Variants in CNTNAP2 observed in about 807,000 individuals in gnomAD.
The protein encoded by CNTNAP2 is contactin associated protein 2.
A neutral mutation model predicts 155.2 loss-of-function variants in CNTNAP2; 98 were observed. That is an observed-to-expected ratio of 0.63 (90% CI 0.54 to 0.75). CNTNAP2 has a LOEUF of 0.75. Among genes scored for constraint, CNTNAP2 ranks in the 30% least tolerant of loss-of-function variants. The pLI is 0.00. For synonymous variants in CNTNAP2, 651 were observed against 631.2 expected, an observed-to-expected ratio of 1.03 and a Z score of -0.47; for missense variants, 1,727 against 1,688.1, an observed-to-expected ratio of 1.02 and a Z score of -0.40.
At chr7:146,998,380 T>A (rs1798352319) in intron 3 of CNTNAP2, among the ~76,000 whole-genome samples, 1 of 152,050 alleles carries the variant, frequency 6.6e-6, no homozygotes. Context: ...TATGTCACTG[T>A]GGTCTGAAAA....
intron 13 of CNTNAP2, among the ~76,000 whole-genome samples, chr7:147,841,573 A>G (rs1250856016): frequency 2.0e-5 from 3 of 152,200 alleles, no homozygotes; most frequent in Admixed American, 6.5e-5. Flanking sequence ...TACGCTACCT[A>G]TTTCACAAAG....
chr7:147,672,553 A>G (rs1178626683), intron 13 of CNTNAP2: 3 of 152,162 alleles, frequency 2.0e-5, no homozygotes, highest in Admixed American at 2.0e-4. Context: ...AACCCTTCAG[A>G]GAGACTTAAA....
At chr7:146,163,533 A>G (rs868267920) in intron 1 of CNTNAP2, among the ~76,000 whole-genome samples, 2 of 143,268 alleles carry the variant, frequency 1.4e-5, no homozygotes, top group East Asian at 2.0e-4. Flanking sequence ...ATATCTATAT[A>G]TATCTATATC....
At chr7:147,427,603 CACA>C (rs1184579477) in intron 10 of CNTNAP2, among the ~76,000 whole-genome samples, 1 of 152,040 alleles carries the variant, frequency 6.6e-6, no homozygotes, top group East Asian at 1.9e-4. Context: ...CAATAGGGAA[CACA>C]ACAAGGAGTA....
In CNTNAP2 at chr7:146,756,650, G is replaced by C. The variant is rs535723286; in HGVS notation, c.98-17621G>C. Among the ~76,000 whole-genome samples the C allele has an allele frequency of 1.3e-3, 204 of 152,072 alleles. 1 individual carries two copies. The highest frequency in any genetic ancestry group is 2.3e-3 in the Non-Finnish European group (154 of 67,902). On this transcript the variant is annotated intron_variant, in intron 1 of 23. Transcript: ENST00000361727. ...TTATTGTTTCACCAAATCGAAAACT[G>C]AGGTTCCAAGATGTTAATAAATGTA... is the stretch of plus-strand genomic sequence containing the variant.
At chr7:147,160,784 T>C (rs765826294) in intron 8 of CNTNAP2, among the ~76,000 whole-genome samples, 3 of 152,112 alleles carry the variant, frequency 2.0e-5, no homozygotes, top group Admixed American at 6.6e-5. Context: ...GAATTAAAGA[T>C]GAAAAGTAAT....
At chr7:146,840,002 G>T (rs993869815) in intron 3 of CNTNAP2, 98 bp downstream of exon 3, 1 of 1,367,224 alleles carries the variant, frequency 7.3e-7, no homozygotes, top group Non-Finnish European at 1.0e-6. Flanking sequence ...CAATATTTAT[G>T]TATTCAAATC....
At chr7:148,194,685 G>A (rs1795248554) in intron 18 of CNTNAP2, among the ~76,000 whole-genome samples, 1 of 152,114 alleles carries the variant, frequency 6.6e-6, no homozygotes. Context: ...AAGACGAGAG[G>A]CCTAAGAACT....
chr7:147,978,237 C>G lies in CNTNAP2; in HGVS notation c.2383+248C>G, dbSNP rs1801465153. On this transcript the variant is annotated intron_variant, in intron 15 of 23. Transcript: ENST00000361727. ...TATTCATATGTAACAAGTTTGACTA[C>G]CTAAGTTTATGATGATATTAATAGC... 1.6e-5 allele frequency: 8 copies of G among 513,514 alleles called. No homozygotes were observed. The South Asian group carries it at 1.6e-4, about 10-fold the overall frequency. 31.8% of individuals were successfully genotyped at this position (513,514 alleles called of 1,614,324 possible). A position where few individuals can be genotyped will look rare whatever the true frequency, so the allele number is the denominator to read the frequency against.
intron 3 of CNTNAP2, among the ~76,000 whole-genome samples, chr7:146,950,371 A>G (rs189277419): frequency 6.6e-6 from 1 of 152,168 alleles, no homozygotes; most frequent in East Asian, 1.9e-4. Flanking sequence ...AGGTATACAC[A>G]TGCCACAGTG....
intron 2 of CNTNAP2, among the ~76,000 whole-genome samples, chr7:146,779,734 C>A (rs1166234495): frequency 6.6e-6 from 1 of 152,172 alleles, no homozygotes; most frequent in Non-Finnish European, 1.5e-5. Context: ...TAATTTCTCC[C>A]ATTTTAAGAA....
chr7:148,379,784 A>G (rs1730406), intron 21 of CNTNAP2, among the ~76,000 whole-genome samples: 108,499 of 151,798 alleles, frequency 0.71, 39,913 homozygotes, highest in Admixed American at 0.81. Flanking sequence ...GAGCTCAAGC[A>G]TGTACACGAG....
At chr7:146,741,117 G>A (rs1284605011) in intron 1 of CNTNAP2, among the ~76,000 whole-genome samples, 2 of 152,108 alleles carry the variant, frequency 1.3e-5, no homozygotes, top group Non-Finnish European at 2.9e-5. Flanking sequence ...TCCATACTGT[G>A]CTGCCTGGGG....
At chr7:148,250,562 C>T (rs1230524219) in intron 20 of CNTNAP2, among the ~76,000 whole-genome samples, 2 of 152,206 alleles carry the variant, frequency 1.3e-5, no homozygotes, top group African/African-American at 4.8e-5. Context: ...CCCACCCAGC[C>T]AGTGCCAGGC....
chr7:146,883,044 T>C (rs1354704628), intron 3 of CNTNAP2, among the ~76,000 whole-genome samples: 1 of 152,172 alleles, frequency 6.6e-6, no homozygotes, highest in Non-Finnish European at 1.5e-5. Flanking sequence ...AAATGTCACT[T>C]TTTGCAGAAT....
At chr7:147,074,940 T>C (rs948862308) in intron 4 of CNTNAP2, among the ~76,000 whole-genome samples, 5 of 152,142 alleles carry the variant, frequency 3.3e-5, no homozygotes, top group Non-Finnish European at 4.4e-5. Flanking sequence ...AATACATTTA[T>C]AACCAAGCTC....
chr7:147,496,594 G>A (rs561893317), intron 11 of CNTNAP2: 1 of 152,152 alleles, frequency 6.6e-6, no homozygotes, highest in Admixed American at 6.6e-5. Context: ...CCTAAATCTG[G>A]TATAATGAGA....
chr7:148,056,752 C>T (rs1803019671), intron 15 of CNTNAP2: 1 of 152,202 alleles, frequency 6.6e-6, no homozygotes, highest in African/African-American at 2.4e-5. Context: ...ACTACTTCGT[C>T]TGTTGCCCAC....
At chr7:147,801,136 A>T (rs1454121627) in intron 13 of CNTNAP2, among the ~76,000 whole-genome samples, 59 of 151,748 alleles carry the variant, frequency 3.9e-4, no homozygotes. Context: ...ATCACCTCAA[A>T]GAAGACTTAC....
Sources: allele counts gnomAD v4.1 joint callset (sites outside exome capture counted in the v4.1 genomes callset), GRCh38; gene constraint gnomAD v4.1.1; transcripts MANE v1.5; gene names NCBI Gene and HGNC (gene_info 2026-07-23, HGNC 2026-07-21).